SULT6B1: variants seen among roughly 807,000 people sequenced by gnomAD.
SULT6B1 encodes the protein sulfotransferase 6B1.
In SULT6B1, 44 loss-of-function variants were observed where a neutral mutation model predicts 37.2. That is an observed-to-expected ratio of 1.18 (90% CI 0.93 to 1.52). The LOEUF (loss-of-function observed/expected upper bound fraction) is 1.52, where lower values mean the gene tolerates loss of function less well. Ranked by LOEUF, SULT6B1 falls within the 40% of genes most tolerant of loss-of-function variation. The pLI is 0.00. For missense variants in SULT6B1, 450 were observed against 361.0 expected (o/e 1.25, Z -2.00); for synonymous variants, 140 against 126.0 (o/e 1.11, Z -0.74).
chr2:37,180,953 GT>G (rs1433741244), intron 3 of SULT6B1, among the ~76,000 whole-genome samples: 7 of 152,210 alleles, frequency 4.6e-5, no homozygotes, highest in African/African-American at 2.4e-5. Context: ...CTGCTGGGAG[GT>G]TTTTAATAAG....
At chr2:37,171,300 C>G in intron 6 of SULT6B1, 134 bp downstream of exon 6, 1 of 1,017,376 alleles carries the variant, frequency 9.8e-7, no homozygotes, top group Non-Finnish European at 1.4e-6. Flanking sequence ...TCTGGAGAGC[C>G]TGTGTCCAGA....
upstream of SULT6B1, among the ~76,000 whole-genome samples, chr2:37,192,537 A>T (rs1676800605): frequency 6.6e-6 from 1 of 152,226 alleles, no homozygotes; most frequent in African/African-American, 2.4e-5. Context: ...TGCCTTATAT[A>T]ATAATGTGAT....
chr2:37,184,393 A>G (rs1304775561), intron 2 of SULT6B1, among the ~76,000 whole-genome samples: 1 of 152,206 alleles, frequency 6.6e-6, no homozygotes, highest in Non-Finnish European at 1.5e-5. Context: ...TTTTTCTGTA[A>G]TCTATTTCTA....
intron 1 of SULT6B1, among the ~76,000 whole-genome samples, chr2:37,195,051 G>T (rs1201383105): frequency 6.6e-6 from 1 of 151,946 alleles, no homozygotes; most frequent in East Asian, 1.9e-4. Flanking sequence ...CTGGGTTCAA[G>T]CAACTCTCCT....
intron 1 of SULT6B1, among the ~76,000 whole-genome samples, chr2:37,195,795 T>TA (rs1400212377): frequency 6.6e-6 from 1 of 151,384 alleles, no homozygotes; most frequent in African/African-American, 2.4e-5. Flanking sequence ...GGGATCTGGC[T>TA]AAAATGCAGT....
Position 37,188,444 on chromosome 2 carries a change from C to T in SULT6B1, c.197G>A (p.Cys66Tyr). The change falls in exon 1 of 7, where the codon TGC (cysteine) becomes TAC (tyrosine). Residue 66 changes from cysteine to tyrosine, a missense_variant and splice_region_variant. By Grantham distance (194) the Cys-to-Tyr change is radical. Transcript: ENST00000535679. ...DDIVLASYPK[C>Y]GSNWILHIVS... ...GTAGGAAACGACTTGTCATTTACCG[C>T]ACTTTGGATAAGATGCTAGCACGAT... is the stretch of plus-strand genomic sequence containing the variant. 6.2e-7 allele frequency: 1 copy of T among 1,612,646 alleles called. No individual in the cohort carries two copies. The highest frequency in any genetic ancestry group is 8.5e-7 in the Non-Finnish European group (1 of 1,179,344).
At chr2:37,191,406 T>TTA (rs540693512), upstream of SULT6B1, among the ~76,000 whole-genome samples, 116 of 152,240 alleles carry the variant, frequency 7.6e-4, 1 homozygote, top group South Asian at 7.3e-3. Context: ...CCTGCCTATG[T>TTA]TATAGCTCAT....
intron 6 of SULT6B1, among the ~76,000 whole-genome samples, chr2:37,168,929 C>T (rs977725195): frequency 6.6e-6 from 1 of 151,830 alleles, no homozygotes; most frequent in African/African-American, 2.4e-5. Context: ...GAAACGCTTA[C>T]AATATATTAA....
At chr2:37,181,563 A>T (rs138726285) in intron 3 of SULT6B1, among the ~76,000 whole-genome samples, 18 of 151,928 alleles carry the variant, frequency 1.2e-4, no homozygotes, top group Admixed American at 2.6e-4. Flanking sequence ...TATTTTTTGT[A>T]GAGACAGGGG....
intron 5 of SULT6B1, among the ~76,000 whole-genome samples, chr2:37,172,860 G>C (rs568790876): frequency 6.7e-6 from 1 of 150,170 alleles, no homozygotes; most frequent in East Asian, 2.0e-4. Flanking sequence ...TTTTTCGTTT[G>C]TTTGTTTTTT....
chr2:37,193,642 G>GAAGAAGAAGAAGAAGAAGAAGAAT (rs1553345882), upstream of SULT6B1, among the ~76,000 whole-genome samples: 24 of 150,452 alleles, frequency 1.6e-4, no homozygotes, highest in South Asian at 2.1e-4. Flanking sequence ...AGAAGAAGAA[G>GAAGAAGAAGAAGAAGAAGAAGAAT]AAGAAGAAGG....
At chr2:37,192,952 G>A (rs546101236), upstream of SULT6B1, among the ~76,000 whole-genome samples, 1 of 152,284 alleles carries the variant, frequency 6.6e-6, no homozygotes, top group African/African-American at 2.4e-5. Flanking sequence ...GATACCAGCC[G>A]TGAATAATTA....
Position 37,168,069 on chromosome 2 carries a change from C to T in SULT6B1, c.782-4G>A. 2 of 1,577,254 alleles carry T rather than the reference C, an allele frequency of 1.3e-6. No individual in the cohort carries two copies. The highest frequency in any genetic ancestry group is 1.2e-5 in the South Asian group (1 of 84,384). ...TTTTTCCAATCACCAACTTCACCTA[C>T]AACACACAAAAAACAGTAGACCCAG... On this transcript the variant is annotated splice_region_variant and splice_polypyrimidine_tract_variant and intron_variant, in intron 6 of 6. Transcript: ENST00000535679.
At chr2:37,174,342 C>G (rs1329467807) in intron 5 of SULT6B1, among the ~76,000 whole-genome samples, 1 of 148,608 alleles carries the variant, frequency 6.7e-6, no homozygotes, top group African/African-American at 2.5e-5. Flanking sequence ...TCAAGTGATC[C>G]TCCTGTCTCA....
chr2:37,187,213 G>A (rs1676692979), intron 2 of SULT6B1, 142 bp downstream of exon 2: 2 of 589,188 alleles, frequency 3.4e-6, no homozygotes, highest in East Asian at 5.7e-5. Flanking sequence ...TACCTGAACA[G>A]TGCTGAGGAT....
At chr2:37,172,309 G>A (rs1020530951) in intron 5 of SULT6B1, among the ~76,000 whole-genome samples, 4 of 152,100 alleles carry the variant, frequency 2.6e-5, no homozygotes, top group Admixed American at 2.0e-4. Context: ...GAATCTCCAA[G>A]AGAGCAGGCT....
intron 4 of SULT6B1, among the ~76,000 whole-genome samples, chr2:37,177,173 C>G (rs749583690): frequency 1.2e-4 from 18 of 151,658 alleles, no homozygotes; most frequent in African/African-American, 3.1e-4. Flanking sequence ...TGCAACAACA[C>G]GGAGGGAGGA....
chr2:37,194,897 T>TTCCTTCCTTCC lies in SULT6B1; in HGVS notation c.-22+1618_-22+1619insGGAAGGAAGGA, dbSNP rs1676871681. Among the ~76,000 whole-genome samples, 4 of 68,500 alleles carry TTCCTTCCTTCC rather than the reference T, an allele frequency of 5.8e-5. 1 individual carries two copies. The highest frequency in any genetic ancestry group is 1.1e-4 in the Non-Finnish European group (4 of 35,430). The allele number at this position is 68,500 out of a possible 152,430, so 44.9% of individuals were successfully genotyped here. On this transcript the variant is annotated intron_variant, in intron 1 of 7. Coordinates refer to the SULT6B1 transcript ENST00000407963. ...CCTCCCTCCCTTCCTTCCTTCCTTC[T>TTCCTTCCTTCC]TTCCTTCCTTCCTTCCTTCCTTCCT...
chr2:37,174,063 T>C (rs1572456440), intron 5 of SULT6B1, among the ~76,000 whole-genome samples: 1 of 152,074 alleles, frequency 6.6e-6, no homozygotes, highest in East Asian at 1.9e-4. Flanking sequence ...CAGGCACATC[T>C]GCTGTCCCTT....
Sources: allele counts gnomAD v4.1 joint callset (sites outside exome capture counted in the v4.1 genomes callset), GRCh38; gene constraint gnomAD v4.1.1; transcripts MANE v1.5; gene names NCBI Gene and HGNC (gene_info 2026-07-23, HGNC 2026-07-21).